TSNARE1: variants seen among roughly 807,000 people sequenced by gnomAD.
TSNARE1 encodes t-SNARE domain containing 1, also known as t-SNARE domain-containing protein 1.
In TSNARE1, 49 loss-of-function variants were observed where a neutral mutation model predicts 62.0. The ratio of observed to expected loss-of-function variants is 0.79; its 90% CI spans 0.63 to 1.00. The LOEUF (loss-of-function observed/expected upper bound fraction) is 1.00. Among genes scored for constraint, TSNARE1 ranks in the 50% least tolerant of loss-of-function variants. The probability of loss-of-function intolerance (pLI) is 0.00; values close to 1 mark genes in which losing one functional copy is unlikely to be tolerated. For missense variants in TSNARE1, 755 were observed against 700.1 expected, an observed-to-expected ratio of 1.08 and a Z score of -0.88; for synonymous variants, 328 against 294.4, an observed-to-expected ratio of 1.11 and a Z score of -1.17.
chr8:142,318,608 T>C lies in TSNARE1; in HGVS notation c.920A>G (p.Lys307Arg), dbSNP rs776356945. ...GGAGCTGGCGCTGGCTGCAATGGTC[T>C]TGTTGGTCTCCTGCTGTGCCGTGTG... ...SLHTAQQETN[K>R]TIAASASSVK... Residue 307 changes from lysine (K) to arginine (R), a missense_variant, in exon 7 of 14, where the codon AAG (lysine) becomes AGG (arginine). Lys to Arg is a conservative substitution (Grantham distance 26). Transcript: ENST00000524325. The C allele has an allele frequency of 1.2e-6, 2 of 1,613,746 alleles. No homozygotes were observed. The highest frequency in any genetic ancestry group is 1.7e-4 in the Middle Eastern group (1 of 6,060).
rs191988071 is a variant in TSNARE1, at chr8:142,276,117, C to G, written c.1364-1254G>C. On this transcript the variant is annotated intron_variant, in intron 11 of 13. Coordinates refer to ENST00000524325, the MANE Select transcript of TSNARE1 (RefSeq NM_145003.5). Reference sequence around the variant, plus strand: ...AGCCGCAGGCACTCGCAGACACACCCTGATCGCCGCATCTGGGGGCTCCTG... The same window carrying G: ...AGCCGCAGGCACTCGCAGACACACCGTGATCGCCGCATCTGGGGGCTCCTG... 87 of 985,418 alleles carry G rather than the reference C, an allele frequency of 8.8e-5. No individual in the cohort carries two copies. In the East Asian group the frequency reaches 2.5e-3, roughly 28 times the overall value. 61.0% of individuals were successfully genotyped at this position (985,418 alleles called of 1,614,324 possible).
At chr8:142,283,253 C>T (rs111756568) in intron 11 of TSNARE1, among the ~76,000 whole-genome samples, 2 of 148,542 alleles carry the variant, frequency 1.3e-5, no homozygotes, top group African/African-American at 5.0e-5. Context: ...GAGGCGGGGT[C>T]AGTGTCTGCC....
chr8:142,367,409 T>C (rs1022490030), intron 1 of TSNARE1, among the ~76,000 whole-genome samples: 3 of 150,850 alleles, frequency 2.0e-5, no homozygotes, highest in Non-Finnish European at 4.4e-5. Context: ...AGCACCGTGC[T>C]AGGAGAGAGG....
chr8:142,266,612 C>T (rs560077264), intron 12 of TSNARE1, among the ~76,000 whole-genome samples: 1 of 152,196 alleles, frequency 6.6e-6, no homozygotes, highest in African/African-American at 2.4e-5. Context: ...TCACTTCTCC[C>T]TTCTTTCAAA....
intron 10 of TSNARE1, among the ~76,000 whole-genome samples, chr8:142,296,708 C>T (rs1824818655): frequency 6.6e-6 from 1 of 151,902 alleles, no homozygotes; most frequent in South Asian, 2.1e-4. Flanking sequence ...CTGAGGAGGG[C>T]ACGCCGTGGA....
intron 7 of TSNARE1, among the ~76,000 whole-genome samples, chr8:142,317,559 T>C (rs1239788008): frequency 2.0e-5 from 3 of 152,302 alleles, no homozygotes; most frequent in Non-Finnish European, 4.4e-5. Flanking sequence ...CCCTGTAAAA[T>C]CTTAGGGTTC....
At position 142,366,213 on chromosome 8, in the gene TSNARE1, T is replaced by C. The variant is rs929465224; in HGVS notation, c.-39-11450A>G. On this transcript the variant is annotated intron_variant, in intron 1 of 13. Coordinates refer to ENST00000524325, the MANE Select transcript of TSNARE1 (RefSeq NM_145003.5). Reference sequence around the variant, plus strand: ...CACCACGCCCGGCTAATTTTTTGTATTTTTAGTAGAGATGGGGTTTCACCA... The same window carrying C: ...CACCACGCCCGGCTAATTTTTTGTACTTTTAGTAGAGATGGGGTTTCACCA... 8.5e-5 allele frequency among the ~76,000 whole-genome samples: 13 copies of C among 152,212 alleles called. No individual in the cohort carries two copies. The East Asian group carries it at 2.5e-3, about 29-fold the overall frequency.
chr8:142,245,767 A>G (rs4976984), intron 12 of TSNARE1, among the ~76,000 whole-genome samples: 86,356 of 152,000 alleles, frequency 0.57, 26,647 homozygotes, highest in African/African-American at 0.81. Context: ...GGGTGCGATG[A>G]GGCAGGGCTG....
intron 12 of TSNARE1, among the ~76,000 whole-genome samples, chr8:142,257,205 C>T (rs1009491534): frequency 4.6e-5 from 7 of 152,192 alleles, no homozygotes; most frequent in African/African-American, 1.7e-4. Flanking sequence ...GACAGGGAAC[C>T]TCCTCTCTCT....
chr8:142,305,750 C>T (rs1337040824), intron 9 of TSNARE1, among the ~76,000 whole-genome samples: 7 of 152,168 alleles, frequency 4.6e-5, no homozygotes, highest in Non-Finnish European at 8.8e-5. Flanking sequence ...CTGGGGCAAG[C>T]GCAGAGGGGA....
At chr8:142,380,766 C>T (rs535962276) in intron 1 of TSNARE1, among the ~76,000 whole-genome samples, 1 of 152,318 alleles carries the variant, frequency 6.6e-6, no homozygotes, top group African/African-American at 2.4e-5. Context: ...GTCTGAGTGG[C>T]CACCAGGGAC....
chr8:142,306,668 C>T (rs1257760014), intron 9 of TSNARE1, among the ~76,000 whole-genome samples: 2 of 152,242 alleles, frequency 1.3e-5, no homozygotes, highest in Admixed American at 6.5e-5. Flanking sequence ...CCAGTCCCCC[C>T]ACATCAGCCT....
intron 11 of TSNARE1, among the ~76,000 whole-genome samples, chr8:142,283,641 G>A (rs1822127715): frequency 6.8e-6 from 1 of 148,074 alleles, no homozygotes; most frequent in Non-Finnish European, 1.5e-5. Flanking sequence ...TCAATGAACA[G>A]AGGCAGGGCC....
At chr8:142,352,556 G>T (rs72614029) in intron 2 of TSNARE1, among the ~76,000 whole-genome samples, 1 of 152,262 alleles carries the variant, frequency 6.6e-6, no homozygotes, top group Non-Finnish European at 1.5e-5. Context: ...TGCGGAACAC[G>T]CACAGACGCC....
chr8:142,330,812 C>A (rs763153280), intron 6 of TSNARE1, 89 bp downstream of exon 6: 27 of 1,352,998 alleles, frequency 2.0e-5, no homozygotes, highest in Non-Finnish European at 2.3e-5. Flanking sequence ...GTGGACAAAG[C>A]CCGTGTGCAC....
rs2130070681 is a variant in TSNARE1, at chr8:142,229,497, G to C, written c.1529C>G (p.Ser510Cys). The change falls in exon 13 of 14, where the codon TCT becomes TGT. Residue 510 changes from serine to cysteine, a missense_variant. Coordinates refer to ENST00000524325, the MANE Select transcript of TSNARE1 (RefSeq NM_145003.5). The stretch of plus-strand genomic sequence containing the variant: ...CCACGGGTAGCATCACTTTCGGACA[G>C]AGGTGGCGATGATGATGATGATGAC... ...LLVIIIIIATSVRK is the reference protein window; with the variant it reads ...LLVIIIIIATCVRK 1.2e-6 allele frequency: 2 copies of C among 1,614,138 alleles called. No individual in the cohort carries two copies. Among genetic ancestry groups the C allele is most frequent in the South Asian group, 1.1e-5 (1 of 91,084 alleles).
chr8:142,353,368 C>T (rs1293954138), intron 2 of TSNARE1, among the ~76,000 whole-genome samples: 3 of 152,108 alleles, frequency 2.0e-5, no homozygotes, highest in East Asian at 1.9e-4. Context: ...ATGGTCTCGG[C>T]GGGAAGGAGG....
At chr8:142,224,942 CG>C (rs1006978964) in intron 13 of TSNARE1, among the ~76,000 whole-genome samples, 4 of 152,086 alleles carry the variant, frequency 2.6e-5, no homozygotes, top group Admixed American at 2.6e-4. Context: ...GGAGTGAAGG[CG>C]GGGCCAGCAA....
rs1829165929 is a variant in TSNARE1 at position 142,319,634 on chromosome 8, A to AGGCATCAC, written c.894-1008_894-1001dup. 6.6e-6 allele frequency among the ~76,000 whole-genome samples: 1 copy of AGGCATCAC among 152,116 alleles called. No individual in the cohort carries two copies. The highest frequency in any genetic ancestry group is 1.5e-5 in the Non-Finnish European group (1 of 67,998). On this transcript the variant is annotated intron_variant, in intron 6 of 13. Coordinates refer to ENST00000524325, the MANE Select transcript of TSNARE1 (RefSeq NM_145003.5). The surrounding 1 kb of genome is among the most constrained non-coding windows in gnomAD (Gnocchi z 4.9). ...CCCAAAAGGCCCCTGCAGGCCCCTC[A>AGGCATCAC]GGCATCACCCAGGACCTGCACCAAG...
Sources: gnomAD v4.1 joint callset for allele counts (sites outside exome capture counted in the v4.1 genomes callset) on GRCh38, gnomAD v4.1.1 for gene constraint, Gnocchi (gnomAD v3.1) non-coding constraint, MANE v1.5 for transcripts, NCBI Gene and HGNC (gene_info 2026-07-23, HGNC 2026-07-21) for gene names.